Variants in ARHGAP6 observed in about 807,000 individuals in gnomAD.
ARHGAP6 encodes Rho GTPase activating protein 6, also known as rho GTPase-activating protein 6.
A neutral mutation model predicts 55.7 loss-of-function variants in ARHGAP6; 16 were observed. That is an observed-to-expected ratio of 0.29 (90% CI 0.19 to 0.44). The LOEUF is 0.44. Ranked by LOEUF, ARHGAP6 falls within the 20% of genes least tolerant of loss-of-function variation. ARHGAP6 has a pLI of 1.00. For synonymous variants in ARHGAP6, 382 were observed against 360.9 expected (o/e 1.06, Z -0.66); for missense variants, 698 against 808.9 (o/e 0.86, Z 1.66).
At chrX:11,337,344 C>A (rs1194084348) in intron 1 of ARHGAP6, among the ~76,000 whole-genome samples, 1 of 111,401 alleles carries the variant, frequency 9.0e-6, no homozygotes, top group African/African-American at 3.3e-5. Context: ...TAGAGTATTT[C>A]TCAGTACAAC....
chrX:11,174,594 T>C (rs779957126), intron 8 of ARHGAP6, among the ~76,000 whole-genome samples: 756 of 72,393 alleles, frequency 0.01, 10 homozygotes, highest in Admixed American at 0.013. Flanking sequence ...TTCTTTCTTT[T>C]TCTTTCTTTC....
intron 1 of ARHGAP6, among the ~76,000 whole-genome samples, chrX:11,567,566 A>AAAAAAAAAAAATATATATATATAT (rs1440758737): frequency 4.7e-4 from 40 of 84,391 alleles, no homozygotes; most frequent in African/African-American, 1.5e-3. Context: ...AAAAAAAAAA[A>AAAAAAAAAAAATATATATATATAT]ATATATATAT....
Position 11,188,725 on chromosome X carries a change from C to T in ARHGAP6, c.1077+3G>A, listed in dbSNP as rs769555773. 8.3e-7 allele frequency: 1 copy of T among 1,208,043 alleles called. No individual in the cohort carries two copies. The highest frequency in any genetic ancestry group is 1.1e-6 in the Non-Finnish European group (1 of 893,504). On this transcript the variant is annotated splice_donor_region_variant and intron_variant, in intron 4 of 12. Coordinates refer to ENST00000337414, the MANE Select transcript of ARHGAP6 (RefSeq NM_013427.3). ...GTGTCAGAGCAAATACTGGCCACCT[C>T]ACCCTCCTCCTAGCCCGAGGAGCCG...
In ARHGAP6 at chrX:11,186,226, G is replaced by A. The variant is rs772326870; in HGVS notation, c.1273+10C>T. On this transcript the variant is annotated intron_variant, in intron 5 of 12. Transcript: ENST00000337414. ...AGTCCTTAGTACTTTAGACAGACAA[G>A]TCTACTTACCATGTTTTTCTAGGTG... The A allele has an allele frequency of 2.5e-6, 3 of 1,202,782 alleles. No homozygotes were observed. Among genetic ancestry groups the A allele is most frequent in the East Asian group, 5.9e-5 (2 of 33,745 alleles).
At chrX:11,634,495 T>C (rs1601716213) in intron 1 of ARHGAP6, among the ~76,000 whole-genome samples, 1 of 111,618 alleles carries the variant, frequency 9.0e-6, no homozygotes, top group East Asian at 2.8e-4. Context: ...GATAATAAGA[T>C]ATGTAGTCAT....
chrX:11,513,629 C>T (rs1049686535), intron 1 of ARHGAP6, among the ~76,000 whole-genome samples: 2 of 110,767 alleles, frequency 1.8e-5, no homozygotes, highest in Non-Finnish European at 3.8e-5. Flanking sequence ...CCAGTCTCTC[C>T]CAGTATGGGA....
At chrX:11,464,657 T>G (rs943775945) in intron 1 of ARHGAP6, among the ~76,000 whole-genome samples, 1 of 112,585 alleles carries the variant, frequency 8.9e-6, no homozygotes, top group Non-Finnish European at 1.9e-5. Flanking sequence ...TTGTTTTCAC[T>G]GCTCATTTTC....
intron 1 of ARHGAP6, among the ~76,000 whole-genome samples, chrX:11,340,982 C>G (rs938370298): frequency 5.2e-5 from 5 of 96,343 alleles, no homozygotes; most frequent in Non-Finnish European, 9.9e-5. Flanking sequence ...AATACAGTTC[C>G]AACAGATCAA....
chrX:11,557,920 T>C (rs776318145), intron 1 of ARHGAP6, among the ~76,000 whole-genome samples: 163 of 111,867 alleles, frequency 1.5e-3, no homozygotes, highest in African/African-American at 5.1e-3. Context: ...GAGAAGTAAC[T>C]CAGCCCAGGA....
intron 10 of ARHGAP6, among the ~76,000 whole-genome samples, chrX:11,154,613 A>T (rs1322736379): frequency 3.6e-5 from 4 of 112,302 alleles, no homozygotes; most frequent in Non-Finnish European, 7.5e-5. Context: ...TTTCCCACAC[A>T]GTACCAACCA....
intron 7 of ARHGAP6, 112 bp from the exon 8 acceptor site, chrX:11,178,360 C>A: frequency 1.2e-6 from 1 of 858,922 alleles, no homozygotes; most frequent in Non-Finnish European, 1.6e-6. Flanking sequence ...AGGCAATTCC[C>A]ATTTCATGCC....
intron 1 of ARHGAP6, among the ~76,000 whole-genome samples, chrX:11,652,465 A>C (rs1569073576): frequency 8.9e-6 from 1 of 112,009 alleles, no homozygotes; most frequent in Non-Finnish European, 1.9e-5. Flanking sequence ...AGTTTGCAAA[A>C]TACCTTTGGG....
At chrX:11,269,440 TA>T (rs1460974904) in intron 1 of ARHGAP6, among the ~76,000 whole-genome samples, 1 of 111,830 alleles carries the variant, frequency 8.9e-6, no homozygotes, top group African/African-American at 3.2e-5. Context: ...TTTTGAATAA[TA>T]TATAGCCAAT....
intron 1 of ARHGAP6, among the ~76,000 whole-genome samples, chrX:11,526,397 A>G (rs919549555): frequency 1.8e-5 from 2 of 111,782 alleles, no homozygotes; most frequent in African/African-American, 3.3e-5. Flanking sequence ...ATCAAGTCAA[A>G]AGTTGCCAAT....
chrX:11,248,615 A>T (rs766447218), intron 2 of ARHGAP6, among the ~76,000 whole-genome samples: 46 of 112,482 alleles, frequency 4.1e-4, no homozygotes, highest in African/African-American at 1.3e-3. Context: ...AAGGACACGA[A>T]TAGAAAATTC....
At chrX:11,653,963 GT>G (rs144188615) in intron 1 of ARHGAP6, among the ~76,000 whole-genome samples, 13,921 of 110,918 alleles carry the variant, frequency 0.13, 781 homozygotes, top group Middle Eastern at 0.22. Flanking sequence ...TATTTTGTTT[GT>G]CACCATCATC....
chrX:11,480,278 T>C (rs749867506), intron 1 of ARHGAP6, among the ~76,000 whole-genome samples: 11 of 112,000 alleles, frequency 9.8e-5, no homozygotes, highest in African/African-American at 3.2e-4. Flanking sequence ...AGTATAGATA[T>C]ATGATACGAC....
intron 1 of ARHGAP6, among the ~76,000 whole-genome samples, chrX:11,272,635 C>T (rs55877377): frequency 0.012 from 1,354 of 109,342 alleles, 11 homozygotes; most frequent in Non-Finnish European, 0.021. Flanking sequence ...TTTTTCCTTT[C>T]TCTTCCATTG....
chrX:11,141,045 T>G (rs764637608), intron 12 of ARHGAP6, among the ~76,000 whole-genome samples: 127 of 110,821 alleles, frequency 1.1e-3, no homozygotes, highest in African/African-American at 4.1e-3. Context: ...CAGGATACAG[T>G]GAGATATAGT....
Sources: gnomAD v4.1 joint callset for allele counts (sites outside exome capture counted in the v4.1 genomes callset) on GRCh38, gnomAD v4.1.1 for gene constraint, MANE v1.5 for transcripts, NCBI Gene and HGNC (gene_info 2026-07-23, HGNC 2026-07-21) for gene names.